CABCOCO1: variants seen among roughly 807,000 people sequenced by gnomAD.
CABCOCO1 encodes the protein ciliary associated calcium binding coiled-coil 1.
In CABCOCO1, 28 loss-of-function variants were observed where a neutral mutation model predicts 35.7. The observed-to-expected ratio is 0.78, with a 90% CI of 0.58 to 1.07. The LOEUF (loss-of-function observed/expected upper bound fraction) is 1.07, where lower values mean the gene tolerates loss of function less well. Among genes scored for constraint, CABCOCO1 ranks in the 50% least tolerant of loss-of-function variants. CABCOCO1 has a pLI of 0.00. For synonymous variants in CABCOCO1, 95 were observed against 100.1 expected (o/e 0.95, Z 0.30); for missense variants, 326 against 309.2 (o/e 1.05, Z -0.41).
chr10:61,667,318 A>G (rs1476631470), intron 1 of CABCOCO1, among the ~76,000 whole-genome samples: 1 of 150,816 alleles, frequency 6.6e-6, no homozygotes, highest in Admixed American at 6.6e-5. Context: ...TCCACGCACT[A>G]GTTTGTCCAT....
intron 1 of CABCOCO1, among the ~76,000 whole-genome samples, chr10:61,666,102 T>C (rs1374516061): frequency 1.3e-5 from 2 of 152,084 alleles, no homozygotes; most frequent in East Asian, 3.9e-4. Context: ...GCTTACATAA[T>C]TTTGAGGGGT....
At chr10:61,724,736 A>C (rs1036634711) in intron 5 of CABCOCO1, among the ~76,000 whole-genome samples, 1 of 152,228 alleles carries the variant, frequency 6.6e-6, no homozygotes, top group Non-Finnish European at 1.5e-5. Context: ...CTTTTTTAAA[A>C]AAGAAATATT....
chr10:61,707,459 T>C (rs1399897900), intron 5 of CABCOCO1, among the ~76,000 whole-genome samples: 1 of 152,194 alleles, frequency 6.6e-6, no homozygotes, highest in Admixed American at 6.5e-5. Context: ...TTAGCCATTT[T>C]CTACTTATCA....
At chr10:61,702,376 TA>T (rs1442442673) in intron 5 of CABCOCO1, among the ~76,000 whole-genome samples, 2 of 152,164 alleles carry the variant, frequency 1.3e-5, no homozygotes, top group Non-Finnish European at 2.9e-5. Context: ...CAGCTAGTCT[TA>T]CTCTGGGTAG....
At chr10:61,729,348 C>T (rs1173168538) in intron 5 of CABCOCO1, among the ~76,000 whole-genome samples, 1 of 151,880 alleles carries the variant, frequency 6.6e-6, no homozygotes, top group Non-Finnish European at 1.5e-5. Flanking sequence ...AAATAGCCAA[C>T]AGGTATATGG....
intron 5 of CABCOCO1, among the ~76,000 whole-genome samples, chr10:61,733,605 A>C (rs984410567): frequency 3.3e-5 from 5 of 152,122 alleles, no homozygotes; most frequent in African/African-American, 1.2e-4. Flanking sequence ...TAAGTGACAA[A>C]GTCATCACAT....
intron 5 of CABCOCO1, among the ~76,000 whole-genome samples, chr10:61,702,749 G>C (rs1440441173): frequency 2.6e-5 from 4 of 152,066 alleles, no homozygotes; most frequent in African/African-American, 4.8e-5. Flanking sequence ...TATACAAGCA[G>C]ATATGCACTG....
chr10:61,760,560 CAT>C (rs1211169123), intron 6 of CABCOCO1, among the ~76,000 whole-genome samples: 1 of 151,942 alleles, frequency 6.6e-6, no homozygotes, highest in Non-Finnish European at 1.5e-5. Flanking sequence ...AATGAGAACA[CAT>C]GGACACAGGG....
chr10:61,728,201 G>A (rs768332330), intron 5 of CABCOCO1, among the ~76,000 whole-genome samples: 1 of 152,088 alleles, frequency 6.6e-6, no homozygotes, highest in Non-Finnish European at 1.5e-5. Flanking sequence ...AGATCTGTAA[G>A]TCTTCTTGTG....
chr10:61,680,235 T>C (rs925660802), intron 2 of CABCOCO1, among the ~76,000 whole-genome samples: 6 of 149,348 alleles, frequency 4.0e-5, no homozygotes, highest in Admixed American at 2.0e-4. Flanking sequence ...TCGCTTGAAC[T>C]GGAGAGGCAG....
intron 5 of CABCOCO1, among the ~76,000 whole-genome samples, chr10:61,742,739 T>C (rs1443724061): frequency 6.6e-6 from 1 of 152,300 alleles, no homozygotes; most frequent in Non-Finnish European, 1.5e-5. Context: ...CATTTGGTTT[T>C]CCTGCCAATA....
Position 61,766,117 on chromosome 10 carries a change from A to G in CABCOCO1, c.*104A>G. On this transcript the variant is annotated 3_prime_UTR_variant, in exon 8 of 8. Transcript: ENST00000648843. ...TCGTGTCTCCATCACTTAGTTGTGA[A>G]AGGAAAACCAAGCCCCACTTTTTAT... 9.8e-7 allele frequency: 1 copy of G among 1,016,526 alleles called. No individual in the cohort carries two copies. The allele number at this position is 1,016,526 out of a possible 1,614,324, so 63.0% of individuals were successfully genotyped here. A position where few individuals can be genotyped will look rare whatever the true frequency, so the allele number is the denominator to read the frequency against.
At chr10:61,736,909 T>A (rs1231140050) in intron 5 of CABCOCO1, among the ~76,000 whole-genome samples, 3 of 152,132 alleles carry the variant, frequency 2.0e-5, no homozygotes, top group Non-Finnish European at 4.4e-5. Flanking sequence ...GTGGCTGTTG[T>A]GAATGGGATC....
At chr10:61,732,082 A>G (rs1841316836) in intron 5 of CABCOCO1, among the ~76,000 whole-genome samples, 2 of 152,150 alleles carry the variant, frequency 1.3e-5, no homozygotes, top group African/African-American at 4.8e-5. Flanking sequence ...CCAGTTTTAT[A>G]TAACAATATT....
intron 5 of CABCOCO1, among the ~76,000 whole-genome samples, chr10:61,710,183 C>T (rs1423442602): frequency 6.6e-6 from 1 of 151,648 alleles, no homozygotes; most frequent in Non-Finnish European, 1.5e-5. Flanking sequence ...TTCTGTGCCA[C>T]AGATTCTCAT....
At chr10:61,752,954 T>A (rs894190185) in intron 5 of CABCOCO1, among the ~76,000 whole-genome samples, 33 of 152,162 alleles carry the variant, frequency 2.2e-4, no homozygotes, top group Admixed American at 3.3e-4. Context: ...TTCAGGTAGT[T>A]TCAACTGTCA....
intron 5 of CABCOCO1, among the ~76,000 whole-genome samples, chr10:61,735,177 C>T (rs1262350415): frequency 6.6e-6 from 1 of 151,806 alleles, no homozygotes; most frequent in Admixed American, 6.6e-5. Context: ...CAGGATGAAC[C>T]CCCAAAAGCC....
chr10:61,696,315 G>C (rs957148811), intron 5 of CABCOCO1, among the ~76,000 whole-genome samples: 4 of 151,764 alleles, frequency 2.6e-5, no homozygotes, highest in Non-Finnish European at 5.9e-5. Context: ...AATAAAATCA[G>C]CTGAAGTACT....
At chr10:61,684,861 A>G (rs988379944) in intron 3 of CABCOCO1, 1 of 152,250 alleles carries the variant, frequency 6.6e-6, no homozygotes, top group Non-Finnish European at 1.5e-5. Flanking sequence ...GTCACAAGTA[A>G]CACTGAGCAT....
Sources: allele counts gnomAD v4.1 joint callset (sites outside exome capture counted in the v4.1 genomes callset), GRCh38; gene constraint gnomAD v4.1.1; transcripts MANE v1.5; gene names NCBI Gene and HGNC (gene_info 2026-07-23, HGNC 2026-07-21).